OSR2: variants seen among roughly 807,000 people sequenced by gnomAD.
OSR2 encodes odd-skipped related transciption factor 2.
In OSR2, 8 loss-of-function variants were observed where a neutral mutation model predicts 22.3. The observed-to-expected ratio is 0.36, with a 90% CI of 0.21 to 0.65. OSR2 has a LOEUF of 0.65. Ranked by LOEUF, OSR2 falls within the 30% of genes least tolerant of loss-of-function variation. OSR2 has a pLI of 0.66. For synonymous variants in OSR2, 179 were observed against 173.8 expected, an observed-to-expected ratio of 1.03 and a Z score of -0.23; for missense variants, 311 against 413.4, an observed-to-expected ratio of 0.75 and a Z score of 2.15.
rs541531105 is a variant in OSR2, at chr8:98,948,369, C to T, written c.-114-470C>T. On this transcript the variant is annotated intron_variant, in intron 1 of 3. Transcript: ENST00000297565. The surrounding 1 kb of genome is among the most constrained non-coding windows in gnomAD (Gnocchi z 6.0). ...CAGCGCAGCGCGTGGGATCTCACGACCCATCCGTTAACCCACCGTTCCCAG... is the reference window on the plus strand; with the variant it reads ...CAGCGCAGCGCGTGGGATCTCACGATCCATCCGTTAACCCACCGTTCCCAG... 1.3e-6 allele frequency: 2 copies of T among 1,504,824 alleles called. No individual in the cohort carries two copies. The highest frequency in any genetic ancestry group is 1.8e-6 in the Non-Finnish European group (2 of 1,129,910). 93.2% of individuals were successfully genotyped at this position (1,504,824 alleles called of 1,614,324 possible). A position where few individuals can be genotyped will look rare whatever the true frequency, so the allele number is the denominator to read the frequency against.
intron 3 of OSR2, among the ~76,000 whole-genome samples, chr8:98,951,213 T>G (rs966203606): frequency 6.6e-6 from 1 of 152,224 alleles, no homozygotes; most frequent in African/African-American, 2.4e-5. Context: ...ATTAGAGTTT[T>G]TCCTTCCCCC....
At position 98,944,563 on chromosome 8, in the gene OSR2, G is replaced by T. The variant is rs1840546896; in HGVS notation, c.-375G>T. 1 of 152,344 alleles carries T rather than the reference G, an allele frequency of 6.6e-6. No individual in the cohort carries two copies. Among genetic ancestry groups the T allele is most frequent in the Non-Finnish European group, 1.5e-5 (1 of 68,128 alleles). The allele number at this position is 152,344 out of a possible 1,614,324, so 9.4% of individuals were successfully genotyped here. ...TCGACAGCGAGAGGTTCGCCGAAGA[G>T]CGAGGTTCTGGGCGAGCGCTGAACG... is the stretch of plus-strand genomic sequence containing the variant. On this transcript the variant is annotated 5_prime_UTR_variant, in exon 1 of 4. Transcript: ENST00000297565.
rs1840723006 is a variant in OSR2 at position 98,949,526 on chromosome 8, A to C, written c.574A>C (p.Arg192=). 6.2e-7 allele frequency: 1 copy of C among 1,614,042 alleles called. No homozygotes were observed. The highest frequency in any genetic ancestry group is 8.5e-7 in the Non-Finnish European group (1 of 1,179,998). Reference sequence around the variant, plus strand: ...ATCCTACAATTTGCTCATCCATGAGAGGACCCACACGGACGAGAGGCCGTA... The same window carrying C: ...ATCCTACAATTTGCTCATCCATGAGCGGACCCACACGGACGAGAGGCCGTA... ...TKSYNLLIHE[R]THTDERPYTC... Residue 192 remains arginine (R), a synonymous_variant, in exon 2 of 4, where the codon AGG becomes CGG. Coordinates refer to ENST00000297565, the MANE Select transcript of OSR2 (RefSeq NM_001142462.3). This position sits in a 1 kb window ranked among gnomAD's most constrained non-coding sequence, Gnocchi z 5.9.
In OSR2 at chr8:98,948,477, G is replaced by T. The variant is rs1036262772; in HGVS notation, c.-114-362G>T. Reference sequence around the variant, plus strand: ...CGGTTGACTGAGCTTCGCCTAACAGGCTTGGGGAGGGTGGGCTGGGCTGGG... The same window carrying T: ...CGGTTGACTGAGCTTCGCCTAACAGTCTTGGGGAGGGTGGGCTGGGCTGGG... On this transcript the variant is annotated intron_variant, in intron 1 of 3. Transcript: ENST00000297565. The surrounding 1 kb of genome is among the most constrained non-coding windows in gnomAD (Gnocchi z 6.0). 10 of 1,002,096 alleles carry T rather than the reference G, an allele frequency of 1.0e-5. No homozygotes were observed. Among genetic ancestry groups the T allele is most frequent in the Non-Finnish European group, 1.3e-5 (10 of 781,776 alleles). 62.1% of individuals were successfully genotyped at this position (1,002,096 alleles called of 1,614,324 possible).
chr8:98,947,130 G>T (rs1338240993), intron 1 of OSR2, among the ~76,000 whole-genome samples: 1 of 151,438 alleles, frequency 6.6e-6, no homozygotes, highest in Non-Finnish European at 1.5e-5. Context: ...TTGCAGTTGC[G>T]GTTGAATGGT....
In OSR2 at chr8:98,948,898, C is replaced by T. The variant is rs756743994; in HGVS notation, c.-55C>T. On this transcript the variant is annotated 5_prime_UTR_variant, in exon 2 of 4. Transcript: ENST00000297565. This position sits in a 1 kb window ranked among gnomAD's most constrained non-coding sequence, Gnocchi z 6.0. Reference sequence around the variant, plus strand: ...TTGTCGGAGCCCCACGCCCTCCGGCCTCTGATTCCTGGAAGAAAGGGTTGG... The same window carrying T: ...TTGTCGGAGCCCCACGCCCTCCGGCTTCTGATTCCTGGAAGAAAGGGTTGG... 12 of 1,613,358 alleles carry T rather than the reference C, an allele frequency of 7.4e-6. No homozygotes were observed. The South Asian group carries it at 1.3e-4, about 18-fold the overall frequency.
chr8:98,948,930 C>A lies in OSR2; in HGVS notation c.-23C>A. On this transcript the variant is annotated 5_prime_UTR_variant, in exon 2 of 4. Transcript: ENST00000297565. The surrounding 1 kb of genome is among the most constrained non-coding windows in gnomAD (Gnocchi z 6.0). ...TCCTGGAAGAAAGGGTTGGTCCCCT[C>A]AGCACCCCCAGCATCCCGGAAAATG... 3 of 1,613,826 alleles carry A rather than the reference C, an allele frequency of 1.9e-6. No individual in the cohort carries two copies. The highest frequency in any genetic ancestry group is 2.2e-5 in the South Asian group (2 of 91,090).
In OSR2 at chr8:98,948,083, A is replaced by G; in HGVS notation, c.-114-756A>G. 4 of 1,327,584 alleles carry G rather than the reference A, an allele frequency of 3.0e-6. No individual in the cohort carries two copies. The highest frequency in any genetic ancestry group is 3.9e-6 in the Non-Finnish European group (4 of 1,038,054). 82.2% of individuals were successfully genotyped at this position (1,327,584 alleles called of 1,614,324 possible). On this transcript the variant is annotated intron_variant, in intron 1 of 3. Coordinates refer to ENST00000297565, the MANE Select transcript of OSR2 (RefSeq NM_001142462.3). The surrounding 1 kb of genome is among the most constrained non-coding windows in gnomAD (Gnocchi z 6.0). ...GATCTTAGTCGGGGGTTGGGAGGAG[A>G]GCCCGTGGATAGGAGGAGGGGGCGA...
rs1027658816 is a variant in OSR2 at position 98,944,598 on chromosome 8, A to T, written c.-340A>T. 1 of 152,284 alleles carries T rather than the reference A, an allele frequency of 6.6e-6. No individual in the cohort carries two copies. Among genetic ancestry groups the T allele is most frequent in the Non-Finnish European group, 1.5e-5 (1 of 68,082 alleles). The allele number at this position is 152,284 out of a possible 1,614,324, so 9.4% of individuals were successfully genotyped here. A position where few individuals can be genotyped will look rare whatever the true frequency, so the allele number is the denominator to read the frequency against. On this transcript the variant is annotated 5_prime_UTR_variant, in exon 1 of 4. In the 5' UTR this introduces an upstream ATG that the reference lacks. Transcript: ENST00000297565. The stretch of plus-strand genomic sequence containing the variant: ...GGGCGAGCGCTGAACGCCGGCCCCA[A>T]GCACCCCGGGTCTTTACACAGTCCG...
rs1327528883 is a variant in OSR2 at position 98,948,109 on chromosome 8, T to G, written c.-114-730T>G. The G allele has an allele frequency of 7.3e-7, 1 of 1,368,612 alleles. No individual in the cohort carries two copies. The highest frequency in any genetic ancestry group is 9.4e-7 in the Non-Finnish European group (1 of 1,064,410). The allele number at this position is 1,368,612 out of a possible 1,614,324, so 84.8% of individuals were successfully genotyped here. A position where few individuals can be genotyped will look rare whatever the true frequency, so the allele number is the denominator to read the frequency against. Reference sequence around the variant, plus strand: ...GCCCGTGGATAGGAGGAGGGGGCGATTCTAGGCCGAATCCAGCCCCTGAGG... The same window carrying G: ...GCCCGTGGATAGGAGGAGGGGGCGAGTCTAGGCCGAATCCAGCCCCTGAGG... On this transcript the variant is annotated intron_variant, in intron 1 of 3. Coordinates refer to ENST00000297565, the MANE Select transcript of OSR2 (RefSeq NM_001142462.3). The surrounding 1 kb of genome is among the most constrained non-coding windows in gnomAD (Gnocchi z 6.0).
chr8:98,946,208 C>G (rs1840610264), intron 1 of OSR2: 1 of 152,150 alleles, frequency 6.6e-6, no homozygotes. Flanking sequence ...TCTTTCCTTG[C>G]AAGATTAAAA....
Position 98,949,666 on chromosome 8 carries a change from C to A in OSR2, c.656+58C>A. On this transcript the variant is annotated intron_variant, in intron 2 of 3. Coordinates refer to ENST00000297565, the MANE Select transcript of OSR2 (RefSeq NM_001142462.3). This position sits in a 1 kb window ranked among gnomAD's most constrained non-coding sequence, Gnocchi z 5.9. ...GAAAGCGAATTTGTCCTGGACACACCGAGTCCTGATAGACATTCCCAGTGT... is the reference window on the plus strand; with the variant it reads ...GAAAGCGAATTTGTCCTGGACACACAGAGTCCTGATAGACATTCCCAGTGT... 6.5e-7 allele frequency: 1 copy of A among 1,535,272 alleles called. No individual in the cohort carries two copies. The highest frequency in any genetic ancestry group is 8.8e-7 in the Non-Finnish European group (1 of 1,133,940).
intron 1 of OSR2, among the ~76,000 whole-genome samples, chr8:98,947,921 G>GCTCCT (rs1840658951): frequency 6.6e-6 from 1 of 152,114 alleles, no homozygotes; most frequent in Non-Finnish European, 1.5e-5. Flanking sequence ...TGTAGGGGTC[G>GCTCCT]CTCCTCGGTG....
intron 3 of OSR2, 97 bp downstream of exon 3, chr8:98,950,852 C>T (rs552894752): frequency 2.5e-6 from 2 of 787,984 alleles, no homozygotes; most frequent in East Asian, 5.3e-5. Context: ...TCTTAAAAGG[C>T]TCTATTTAGA....
At position 98,948,105 on chromosome 8, in the gene OSR2, G is replaced by A. The variant is rs565599387; in HGVS notation, c.-114-734G>A. On this transcript the variant is annotated intron_variant, in intron 1 of 3. Transcript: ENST00000297565. This position sits in a 1 kb window ranked among gnomAD's most constrained non-coding sequence, Gnocchi z 6.0. ...GAGAGCCCGTGGATAGGAGGAGGGGGCGATTCTAGGCCGAATCCAGCCCCT... is the reference window on the plus strand; with the variant it reads ...GAGAGCCCGTGGATAGGAGGAGGGGACGATTCTAGGCCGAATCCAGCCCCT... 1.8e-5 allele frequency: 25 copies of A among 1,352,880 alleles called. No individual in the cohort carries two copies. The South Asian group carries it at 3.9e-4, about 21-fold the overall frequency. The allele number at this position is 1,352,880 out of a possible 1,614,324, so 83.8% of individuals were successfully genotyped here. A position where few individuals can be genotyped will look rare whatever the true frequency, so the allele number is the denominator to read the frequency against.
intron 1 of OSR2, among the ~76,000 whole-genome samples, chr8:98,946,619 A>G (rs1840620632): frequency 6.6e-6 from 1 of 152,110 alleles, no homozygotes; most frequent in East Asian, 1.9e-4. Flanking sequence ...TTTCTGTATT[A>G]TAAACCATTC....
intron 1 of OSR2, among the ~76,000 whole-genome samples, chr8:98,947,847 C>CCTCTCTCCTCTCCCCTCTCTT (rs1173697725): frequency 1.3e-5 from 2 of 152,152 alleles, no homozygotes; most frequent in Non-Finnish European, 2.9e-5. Flanking sequence ...GGAGCGCTCT[C>CCTCTCTCCTCTCCCCTCTCTT]CTCTCTCCTC....
intron 3 of OSR2, 54 bp from the exon 4 acceptor site, chr8:98,951,465 G>C (rs1840780106): frequency 2.7e-6 from 4 of 1,475,474 alleles, no homozygotes; most frequent in Middle Eastern, 3.5e-4. Flanking sequence ...CTATTGAAAA[G>C]GGTGCAGTGG....
intron 1 of OSR2, among the ~76,000 whole-genome samples, chr8:98,946,675 C>A (rs1261667979): frequency 6.6e-6 from 1 of 152,042 alleles, no homozygotes; most frequent in Non-Finnish European, 1.5e-5. Context: ...GGCAGTGTAA[C>A]CTTTATGGCA....
Sources: gnomAD v4.1 joint callset for allele counts (sites outside exome capture counted in the v4.1 genomes callset) on GRCh38, gnomAD v4.1.1 for gene constraint, Gnocchi (gnomAD v3.1) non-coding constraint, MANE v1.5 for transcripts, NCBI Gene and HGNC (gene_info 2026-07-23, HGNC 2026-07-21) for gene names.